Variants in GNA12 observed in about 807,000 individuals in gnomAD.
GNA12 encodes the protein guanine nucleotide-binding protein subunit alpha-12.
A neutral mutation model predicts 26.0 loss-of-function variants in GNA12; 9 were observed. The ratio of observed to expected loss-of-function variants is 0.35; its 90% CI spans 0.21 to 0.60. The LOEUF is 0.60. Among genes scored for constraint, GNA12 ranks in the 20% least tolerant of loss-of-function variants. GNA12 has a pLI of 0.78. For synonymous variants in GNA12, 264 were observed against 219.6 expected (o/e 1.20, Z -1.79); for missense variants, 405 against 525.8 (o/e 0.77, Z 2.25).
chr7:2,807,407 C>G (rs931611235), intron 1 of GNA12, among the ~76,000 whole-genome samples: 13 of 152,108 alleles, frequency 8.5e-5, no homozygotes, highest in Non-Finnish European at 1.9e-4. Flanking sequence ...GCTCAGTCAA[C>G]ACTTCCAATA....
At chr7:2,749,395 G>C (rs1420082997) in intron 2 of GNA12, among the ~76,000 whole-genome samples, 4 of 151,770 alleles carry the variant, frequency 2.6e-5, no homozygotes, top group Non-Finnish European at 5.9e-5. Context: ...ATCATTGTCA[G>C]CAAACTATTG....
chr7:2,794,079 G>C (rs1792588247), intron 2 of GNA12, among the ~76,000 whole-genome samples: 3 of 152,080 alleles, frequency 2.0e-5, no homozygotes, highest in African/African-American at 7.2e-5. Context: ...AAAAAGGCAA[G>C]TCACAGAAGC....
At chr7:2,821,520 T>C (rs1793369962) in intron 1 of GNA12, among the ~76,000 whole-genome samples, 1 of 152,218 alleles carries the variant, frequency 6.6e-6, no homozygotes. Flanking sequence ...TATCAATGAC[T>C]CTATATAAGG....
At position 2,731,783 on chromosome 7, in the gene GNA12, G is replaced by T. The variant is rs372227846; in HGVS notation, c.577-33C>A. ...ATACAGGATGAGGCAGAAATTTAGG[G>T]GGAGGAAGAAAGAACAGAGAAAATA... On this transcript the variant is annotated intron_variant, in intron 3 of 3. Transcript: ENST00000275364. The surrounding 1 kb of genome is among the most constrained non-coding windows in gnomAD (Gnocchi z 6.0). 3 of 1,129,870 alleles carry T rather than the reference G, an allele frequency of 2.7e-6. No individual in the cohort carries two copies. The highest frequency in any genetic ancestry group is 2.1e-5 in the South Asian group (1 of 47,730). 70.0% of individuals were successfully genotyped at this position (1,129,870 alleles called of 1,614,324 possible).
intron 2 of GNA12, among the ~76,000 whole-genome samples, chr7:2,761,697 C>T (rs138493672): frequency 1.1e-3 from 167 of 152,210 alleles, no homozygotes; most frequent in Non-Finnish European, 2.1e-3. Context: ...CTCCTTTGAC[C>T]GAATCCTTGA....
At chr7:2,763,191 AACACACAC>A (rs56384682) in intron 2 of GNA12, 3,485 of 222,666 alleles carry the variant, frequency 0.016, 58 homozygotes, top group African/African-American at 0.03. Flanking sequence ...AAGACACCCC[AACACACAC>A]ACACACACAC....
At chr7:2,834,653 T>C (rs946006790) in intron 1 of GNA12, among the ~76,000 whole-genome samples, 1 of 152,222 alleles carries the variant, frequency 6.6e-6, no homozygotes, top group Admixed American at 6.5e-5. Flanking sequence ...TGCATAATGA[T>C]GTTTTGGTAA....
chr7:2,773,132 G>A (rs887848397), intron 2 of GNA12, among the ~76,000 whole-genome samples: 4 of 152,204 alleles, frequency 2.6e-5, no homozygotes, highest in Non-Finnish European at 5.9e-5. Context: ...GGGAAGCAGC[G>A]GGAGGGACTT....
chr7:2,736,999 C>G (rs1790215750), intron 2 of GNA12, among the ~76,000 whole-genome samples: 2 of 152,338 alleles, frequency 1.3e-5, no homozygotes, highest in South Asian at 4.1e-4. Context: ...CTAATTGGAG[C>G]CTTTCTACCC....
chr7:2,839,045 C>T (rs936580190), intron 1 of GNA12, among the ~76,000 whole-genome samples: 7 of 152,176 alleles, frequency 4.6e-5, no homozygotes, highest in Admixed American at 6.5e-5. Context: ...TTCCGCCAAA[C>T]GAGCATACGC....
At chr7:2,759,180 T>TAAAC (rs1346572263) in intron 2 of GNA12, among the ~76,000 whole-genome samples, 1 of 145,356 alleles carries the variant, frequency 6.9e-6, no homozygotes, top group Admixed American at 6.8e-5. Flanking sequence ...AATAAATAAA[T>TAAAC]AAATAAATAA....
chr7:2,758,733 T>C (rs553853435), intron 2 of GNA12, among the ~76,000 whole-genome samples: 1 of 152,312 alleles, frequency 6.6e-6, no homozygotes, highest in South Asian at 2.1e-4. Context: ...GTCACAGCCC[T>C]AGGCTGGAAG....
At chr7:2,766,067 A>G (rs565210029) in intron 2 of GNA12, among the ~76,000 whole-genome samples, 2 of 152,222 alleles carry the variant, frequency 1.3e-5, no homozygotes, top group Non-Finnish European at 2.9e-5. Flanking sequence ...ACCGATCTCC[A>G]AAACTTTTTC....
chr7:2,788,884 G>C (rs995355021), intron 2 of GNA12, among the ~76,000 whole-genome samples: 3 of 152,208 alleles, frequency 2.0e-5, no homozygotes, highest in Non-Finnish European at 4.4e-5. Flanking sequence ...GCAGTGGCGT[G>C]ATCTCTGCTC....
At chr7:2,770,821 T>C (rs1791929733) in intron 2 of GNA12, among the ~76,000 whole-genome samples, 1 of 152,192 alleles carries the variant, frequency 6.6e-6, no homozygotes, top group South Asian at 2.1e-4. Context: ...CGAATGCCCC[T>C]TCACTGTATA....
chr7:2,839,465 C>A (rs1017730560), intron 1 of GNA12, among the ~76,000 whole-genome samples: 1 of 152,186 alleles, frequency 6.6e-6, no homozygotes, highest in Non-Finnish European at 1.5e-5. Context: ...TGCACTGCAA[C>A]CTATGCCTCC....
chr7:2,763,871 G>A (rs755548918), intron 2 of GNA12, among the ~76,000 whole-genome samples: 1 of 152,210 alleles, frequency 6.6e-6, no homozygotes, highest in Non-Finnish European at 1.5e-5. Context: ...AGAGAGCGAG[G>A]GAGACGGAGA....
At chr7:2,808,411 G>A (rs1360511835) in intron 1 of GNA12, among the ~76,000 whole-genome samples, 2 of 152,232 alleles carry the variant, frequency 1.3e-5, no homozygotes, top group Non-Finnish European at 2.9e-5. Flanking sequence ...CTGTGGCCTT[G>A]GAGGCTGTCT....
chr7:2,785,729 G>A (rs1031452017), intron 2 of GNA12, among the ~76,000 whole-genome samples: 4 of 152,068 alleles, frequency 2.6e-5, no homozygotes, highest in African/African-American at 9.7e-5. Flanking sequence ...TAAACAAGCT[G>A]TGGTACCTCC....
Sources: allele counts gnomAD v4.1 joint callset (sites outside exome capture counted in the v4.1 genomes callset), GRCh38; gene constraint gnomAD v4.1.1; non-coding constraint Gnocchi (gnomAD v3.1); transcripts MANE v1.5; gene names NCBI Gene and HGNC (gene_info 2026-07-23, HGNC 2026-07-21).